Variants in CRB1 observed in about 807,000 individuals in gnomAD.
The protein encoded by CRB1 is protein crumbs homolog 1.
In CRB1, 83 loss-of-function variants were observed where a neutral mutation model predicts 120.0. The observed-to-expected ratio is 0.69, with a 90% CI of 0.58 to 0.83. The LOEUF (loss-of-function observed/expected upper bound fraction) is 0.83, where lower values mean the gene tolerates loss of function less well. Among genes scored for constraint, CRB1 ranks in the 40% least tolerant of loss-of-function variants. CRB1 has a pLI of 0.00. For synonymous variants in CRB1, 625 were observed against 612.5 expected (o/e 1.02, Z -0.30); for missense variants, 1,699 against 1,687.6 (o/e 1.01, Z -0.12).
intron 5 of CRB1, among the ~76,000 whole-genome samples, chr1:197,416,281 A>G (rs1663995915): frequency 6.6e-6 from 1 of 152,226 alleles, no homozygotes; most frequent in Admixed American, 6.5e-5. Flanking sequence ...TTTAATATGA[A>G]GATTTCATAT....
At chr1:197,389,984 C>A (rs1473554873) in intron 5 of CRB1, among the ~76,000 whole-genome samples, 2 of 151,780 alleles carry the variant, frequency 1.3e-5, no homozygotes, top group African/African-American at 4.8e-5. Context: ...ATCAAATGTG[C>A]AACTCAAAAC....
chr1:197,343,785 G>A (rs1292477963), intron 2 of CRB1, among the ~76,000 whole-genome samples: 7 of 152,008 alleles, frequency 4.6e-5, no homozygotes, highest in South Asian at 2.1e-4. Flanking sequence ...TACCACTATC[G>A]TCTTTTTCAC....
the CRB1 span, among the ~76,000 whole-genome samples, chr1:197,214,446 A>G: frequency 6.6e-6 from 1 of 152,174 alleles, no homozygotes; most frequent in African/African-American, 2.4e-5. Flanking sequence ...CACAAGTTCC[A>G]CAGGGCCTAC....
At chr1:197,285,043 G>A (rs183410521) in intron 1 of CRB1, among the ~76,000 whole-genome samples, 2 of 151,996 alleles carry the variant, frequency 1.3e-5, no homozygotes, top group Admixed American at 6.6e-5. Context: ...GGCAAGTCAT[G>A]GTCTTGAGAG....
At chr1:197,205,882 CTT>C in the CRB1 span, among the ~76,000 whole-genome samples, 22 of 134,310 alleles carry the variant, frequency 1.6e-4, no homozygotes, top group Admixed American at 1.5e-4. Context: ...TGGTCCTGGA[CTT>C]TTTTTTTTTT....
At chr1:197,354,809 TG>T (rs1660352590) in intron 4 of CRB1, among the ~76,000 whole-genome samples, 1 of 19,806 alleles carries the variant, frequency 5.0e-5, no homozygotes, top group Non-Finnish European at 9.3e-5. Flanking sequence ...TTCCCTTATC[TG>T]CCCCCCGCCC....
the CRB1 span, among the ~76,000 whole-genome samples, chr1:197,214,801 G>A: frequency 6.6e-6 from 1 of 151,114 alleles, no homozygotes; most frequent in Admixed American, 6.6e-5. Flanking sequence ...AACTCGAAGA[G>A]AAAGAAATAC....
At chr1:197,458,853 A>G (rs776428144) in intron 11 of CRB1, among the ~76,000 whole-genome samples, 3 of 152,186 alleles carry the variant, frequency 2.0e-5, no homozygotes, top group Non-Finnish European at 4.4e-5. Flanking sequence ...CCTGAAAACA[A>G]TTAATCCCTA....
intron 5 of CRB1, among the ~76,000 whole-genome samples, chr1:197,416,520 A>C (rs1348811092): frequency 3.3e-5 from 5 of 152,174 alleles, no homozygotes; most frequent in African/African-American, 1.2e-4. Flanking sequence ...CTGAGAGTAC[A>C]TCATAGAGTA....
At chr1:197,446,894 T>C (rs963005858) in intron 11 of CRB1, among the ~76,000 whole-genome samples, 1 of 152,196 alleles carries the variant, frequency 6.6e-6, no homozygotes, top group Admixed American at 6.5e-5. Flanking sequence ...TTAATCAGTG[T>C]GCATATTCCA....
At chr1:197,450,023 A>G (rs1050147603) in intron 11 of CRB1, among the ~76,000 whole-genome samples, 3 of 152,094 alleles carry the variant, frequency 2.0e-5, no homozygotes, top group Admixed American at 1.3e-4. Context: ...CAGAGACTGC[A>G]CTCCAAAAAA....
In CRB1 at chr1:197,442,167, T is replaced by C. The variant is rs1665477273; in HGVS notation, c.3880T>C (p.Cys1294Arg). The change falls in exon 11 of 12, where the codon TGT (cysteine) becomes CGT (arginine). Residue 1294 changes from cysteine (C) to arginine (R), a missense_variant and splice_region_variant. Physicochemically the swap from Cys to Arg is radical, Grantham distance 180. Coordinates refer to ENST00000367400, the MANE Select transcript of CRB1 (RefSeq NM_201253.3). ...MCRPGFTGEWCEKDIDECASD... is the reference protein window; with the variant it reads ...MCRPGFTGEWREKDIDECASD... ...TCTGCTGTTCTGTTTATTTTGAAGG[T>C]GTGAAAAGGACATTGATGAGTGTGC... The C allele has an allele frequency of 1.2e-6, 2 of 1,614,106 alleles. No homozygotes were observed. The highest frequency in any genetic ancestry group is 1.7e-6 in the Non-Finnish European group (2 of 1,180,010).
intron 5 of CRB1, among the ~76,000 whole-genome samples, chr1:197,371,579 A>G (rs1661372191): frequency 6.6e-6 from 1 of 152,106 alleles, no homozygotes; most frequent in Admixed American, 6.6e-5. Flanking sequence ...CCTTTTTACA[A>G]GCTCATACGT....
chr1:197,368,096 T>C (rs1423573513), intron 5 of CRB1, among the ~76,000 whole-genome samples: 1 of 152,180 alleles, frequency 6.6e-6, no homozygotes, highest in African/African-American at 2.4e-5. Context: ...CATATAGTCA[T>C]GAAGGAATTA....
intron 2 of CRB1, among the ~76,000 whole-genome samples, chr1:197,343,109 T>C (rs552853308): frequency 6.6e-6 from 1 of 152,358 alleles, no homozygotes; most frequent in South Asian, 2.1e-4. Flanking sequence ...AGTTGGTTAT[T>C]TGTTGAATCT....
intron 5 of CRB1, among the ~76,000 whole-genome samples, chr1:197,394,202 T>A (rs1662656103): frequency 6.6e-6 from 1 of 152,138 alleles, no homozygotes; most frequent in Non-Finnish European, 1.5e-5. Context: ...GTAAAGATGC[T>A]GAGGATGAAG....
chr1:197,390,788 C>G (rs911744123), intron 5 of CRB1, among the ~76,000 whole-genome samples: 7 of 151,840 alleles, frequency 4.6e-5, no homozygotes, highest in African/African-American at 1.7e-4. Context: ...AAAGATAACT[C>G]TAGGAGCTTC....
At chr1:197,455,055 T>G (rs965149909) in intron 11 of CRB1, among the ~76,000 whole-genome samples, 3 of 152,166 alleles carry the variant, frequency 2.0e-5, no homozygotes, top group African/African-American at 4.8e-5. Context: ...GGCCATATTA[T>G]TTCTTGTCCA....
intron 5 of CRB1, among the ~76,000 whole-genome samples, chr1:197,363,314 A>G (rs1175340967): frequency 6.6e-6 from 1 of 151,814 alleles, no homozygotes; most frequent in Non-Finnish European, 1.5e-5. Flanking sequence ...AGGCCTCAAG[A>G]GTCTTTCTTT....
Sources: gnomAD v4.1 joint callset for allele counts (sites outside exome capture counted in the v4.1 genomes callset) on GRCh38, gnomAD v4.1.1 for gene constraint, MANE v1.5 for transcripts, NCBI Gene and HGNC (gene_info 2026-07-23, HGNC 2026-07-21) for gene names.